Variants in LYPD1 observed in about 807,000 individuals in gnomAD.
LYPD1 encodes ly6/PLAUR domain-containing protein 1.
Under a neutral mutation model 14.2 loss-of-function variants are expected in LYPD1, and 14 were observed. The ratio of observed to expected loss-of-function variants is 0.99; its 90% CI spans 0.65 to 1.54. LYPD1 has a LOEUF of 1.54. Ranked by LOEUF, LYPD1 falls within the 40% of genes most tolerant of loss-of-function variation. The pLI is 0.00. For synonymous variants in LYPD1, 85 were observed against 70.6 expected (o/e 1.20, Z -1.02); for missense variants, 165 against 175.7 (o/e 0.94, Z 0.34).
At chr2:132,651,204 A>C (rs2104901782) in intron 2 of LYPD1, among the ~76,000 whole-genome samples, 1 of 152,328 alleles carries the variant, frequency 6.6e-6, no homozygotes, top group South Asian at 2.1e-4. Flanking sequence ...ATGATTTTTA[A>C]AATGACGTAA....
chr2:132,663,551 C>T (rs991896767), intron 2 of LYPD1, among the ~76,000 whole-genome samples: 2 of 152,208 alleles, frequency 1.3e-5, no homozygotes, highest in African/African-American at 4.8e-5. Flanking sequence ...GCTGGGATTA[C>T]AGGCATGAGC....
At chr2:132,663,632 A>G (rs1683094582) in intron 2 of LYPD1, among the ~76,000 whole-genome samples, 1 of 152,188 alleles carries the variant, frequency 6.6e-6, no homozygotes, top group Admixed American at 6.5e-5. Flanking sequence ...AGAATGTGGA[A>G]CTTTGTTTTT....
upstream of LYPD1, among the ~76,000 whole-genome samples, chr2:132,670,780 G>C (rs1683662719): frequency 6.6e-6 from 1 of 151,948 alleles, no homozygotes; most frequent in Non-Finnish European, 1.5e-5. The surrounding 1 kb of genome is among the most constrained non-coding windows in gnomAD (Gnocchi z 4.5). Flanking sequence ...CTTCTGTCAA[G>C]AACCAGCTCG....
At chr2:132,652,326 A>G (rs978517648) in intron 2 of LYPD1, among the ~76,000 whole-genome samples, 7 of 152,206 alleles carry the variant, frequency 4.6e-5, no homozygotes, top group Non-Finnish European at 8.8e-5. Context: ...GAAAAGGAAA[A>G]GACGACAGAA....
At chr2:132,661,747 G>A (rs1341211835) in intron 2 of LYPD1, among the ~76,000 whole-genome samples, 3 of 152,126 alleles carry the variant, frequency 2.0e-5, no homozygotes, top group East Asian at 3.8e-4. Context: ...GGGAAAATGA[G>A]GGGTGACTGC....
chr2:132,658,953 GGTGTGTGT>G (rs3043652), intron 2 of LYPD1, among the ~76,000 whole-genome samples: 18 of 150,828 alleles, frequency 1.2e-4, no homozygotes, highest in African/African-American at 4.4e-4. Flanking sequence ...GTGTTGTAGA[GGTGTGTGT>G]GTGTGTGTGT....
At chr2:132,648,175 CTT>C (rs1228073630) in intron 2 of LYPD1, among the ~76,000 whole-genome samples, 1 of 152,232 alleles carries the variant, frequency 6.6e-6, no homozygotes, top group African/African-American at 2.4e-5. Context: ...TCATTCTACT[CTT>C]TTTATTCCTA....
intron 2 of LYPD1, among the ~76,000 whole-genome samples, chr2:132,651,905 C>T (rs575752065): frequency 3.3e-5 from 5 of 152,332 alleles, no homozygotes; most frequent in African/African-American, 9.6e-5. Context: ...GGGTCCACAA[C>T]ACGATGAGGC....
At chr2:132,664,361 T>G (rs1182664570) in intron 2 of LYPD1, among the ~76,000 whole-genome samples, 2 of 152,134 alleles carry the variant, frequency 1.3e-5, no homozygotes. Context: ...CTTAGTTAGC[T>G]CATGAGAAAA....
chr2:132,660,827 ATTTGG>A (rs147246397), intron 2 of LYPD1, among the ~76,000 whole-genome samples: 1,535 of 152,316 alleles, frequency 0.01, 20 homozygotes, highest in African/African-American at 0.036. Context: ...TAATCAAATG[ATTTGG>A]TTTGGGGGAC....
At position 132,669,794 on chromosome 2, in the gene LYPD1, G is replaced by T. The variant is rs1001895514; in HGVS notation, c.52+87C>A. On this transcript the variant is annotated intron_variant, in intron 1 of 2. Transcript: ENST00000397463. This position sits in a 1 kb window ranked among gnomAD's most constrained non-coding sequence, Gnocchi z 4.3. ...GCAGCCCCAGCGCAGGGCTGGCCCC[G>T]AGGTGGGCGCCTTGGGGGCAAAAGG... 2 of 1,566,598 alleles carry T rather than the reference G, an allele frequency of 1.3e-6. No individual in the cohort carries two copies. Among genetic ancestry groups the T allele is most frequent in the Non-Finnish European group, 8.6e-7 (1 of 1,159,016 alleles).
Position 132,646,131 on chromosome 2 carries a change from T to G in LYPD1, c.340A>C (p.Arg114=). 7 of 1,610,076 alleles carry G rather than the reference T, an allele frequency of 4.3e-6. No individual in the cohort carries two copies. The highest frequency in any genetic ancestry group is 5.9e-6 in the Non-Finnish European group (7 of 1,177,812). Residue 114 remains arginine (R), a synonymous_variant, in exon 3 of 3, where the codon AGG becomes CGG. Coordinates refer to ENST00000397463, the MANE Select transcript of LYPD1 (RefSeq NM_144586.7). The part of the protein sequence containing the change: ...PLCNGPRPKK[R]GSSASALRPG... Reference sequence around the variant, plus strand: ...CTGAGGGCCGAGGCAGAACTTCCCCTTTTCTTGGGCCTTGGCCCGTTACAA... The same window carrying G: ...CTGAGGGCCGAGGCAGAACTTCCCCGTTTCTTGGGCCTTGGCCCGTTACAA...
At chr2:132,649,911 A>C (rs1410373544) in intron 2 of LYPD1, among the ~76,000 whole-genome samples, 2 of 152,168 alleles carry the variant, frequency 1.3e-5, no homozygotes, top group African/African-American at 4.8e-5. Flanking sequence ...TGTAAAGGCT[A>C]TTCTATGACA....
At position 132,670,092 on chromosome 2, in the gene LYPD1, C is replaced by G. The variant is rs1364433122; in HGVS notation, c.-160G>C. 4.8e-6 allele frequency: 7 copies of G among 1,470,094 alleles called. No individual in the cohort carries two copies. The highest frequency in any genetic ancestry group is 6.3e-6 in the Non-Finnish European group (7 of 1,118,944). The allele number at this position is 1,470,094 out of a possible 1,614,324, so 91.1% of individuals were successfully genotyped here. A position where few individuals can be genotyped will look rare whatever the true frequency, so the allele number is the denominator to read the frequency against. On this transcript the variant is annotated 5_prime_UTR_variant, in exon 1 of 3. Coordinates refer to ENST00000397463, the MANE Select transcript of LYPD1 (RefSeq NM_144586.7). The surrounding 1 kb of genome is among the most constrained non-coding windows in gnomAD (Gnocchi z 4.5). ...TAGCTTAGAGGAGCCGCAGGTGCCGCTCGCGGAGCCTGCATCGCCCGCGCT... is the reference window on the plus strand; with the variant it reads ...TAGCTTAGAGGAGCCGCAGGTGCCGGTCGCGGAGCCTGCATCGCCCGCGCT...
chr2:132,650,921 T>G lies in LYPD1; in HGVS notation c.191-4641A>C, dbSNP rs575521809. On this transcript the variant is annotated intron_variant, in intron 2 of 2. Transcript: ENST00000397463. ...TAGGGTCCATTCAGGTAATATGTTG[T>G]GGAGCTGGGATTTAAGCCCAGGAGA... is the stretch of plus-strand genomic sequence containing the variant. Among the ~76,000 whole-genome samples the G allele has an allele frequency of 9.2e-5, 14 of 152,292 alleles. No individual in the cohort carries two copies. In the South Asian group the frequency reaches 2.9e-3, roughly 32 times the overall value.
At chr2:132,668,857 G>A (rs1683452984) in intron 1 of LYPD1, among the ~76,000 whole-genome samples, 1 of 152,262 alleles carries the variant, frequency 6.6e-6, no homozygotes, top group South Asian at 2.1e-4. Context: ...CAAGAGTGAA[G>A]TAGCTCTGGA....
intron 2 of LYPD1, among the ~76,000 whole-genome samples, chr2:132,666,293 T>C (rs1683267285): frequency 6.6e-6 from 1 of 152,176 alleles, no homozygotes; most frequent in African/African-American, 2.4e-5. Flanking sequence ...GCTTTGGAGG[T>C]ATAAGGCCCC....
intron 2 of LYPD1, among the ~76,000 whole-genome samples, chr2:132,664,491 G>T (rs568548606): frequency 6.6e-5 from 10 of 152,274 alleles, no homozygotes; most frequent in African/African-American, 2.2e-4. Flanking sequence ...GATGCAACAT[G>T]GCATATAAAT....
rs775081826 is a variant in LYPD1 at position 132,670,162 on chromosome 2, G to C, written c.-230C>G. On this transcript the variant is annotated 5_prime_UTR_variant, in exon 1 of 3. Transcript: ENST00000397463. The surrounding 1 kb of genome is among the most constrained non-coding windows in gnomAD (Gnocchi z 4.5). ...CTCTGCTCCTCCCGCTCGCGCTCCC[G>C]GGCCGAGCACCGCGCCTCCGGAGTT... 26 of 1,346,876 alleles carry C rather than the reference G, an allele frequency of 1.9e-5. No individual in the cohort carries two copies. The Middle Eastern group carries it at 1.1e-3, about 57-fold the overall frequency. The allele number at this position is 1,346,876 out of a possible 1,614,324, so 83.4% of individuals were successfully genotyped here. A position where few individuals can be genotyped will look rare whatever the true frequency, so the allele number is the denominator to read the frequency against.
Sources: gnomAD v4.1 joint callset for allele counts (sites outside exome capture counted in the v4.1 genomes callset) on GRCh38, gnomAD v4.1.1 for gene constraint, Gnocchi (gnomAD v3.1) non-coding constraint, MANE v1.5 for transcripts, NCBI Gene and HGNC (gene_info 2026-07-23, HGNC 2026-07-21) for gene names.